The following COL8A1 variants were observed in gnomAD, a reference collection of about 807,000 sequenced individuals.
COL8A1 encodes collagen alpha-1(VIII) chain.
COL8A1 carries 21 observed loss-of-function variants against 42.7 expected under a neutral mutation model. The ratio of observed to expected loss-of-function variants is 0.49; its 90% CI spans 0.35 to 0.71. The LOEUF (loss-of-function observed/expected upper bound fraction) is 0.71, where lower values mean the gene tolerates loss of function less well. Among genes scored for constraint, COL8A1 ranks in the 30% least tolerant of loss-of-function variants. COL8A1 has a pLI of 0.01. For synonymous variants in COL8A1, 367 were observed against 369.1 expected (o/e 0.99, Z 0.06); for missense variants, 788 against 962.4 (o/e 0.82, Z 2.40).
intron 1 of COL8A1, among the ~76,000 whole-genome samples, chr3:99,673,779 G>T (rs1016566526): frequency 3.3e-5 from 5 of 151,926 alleles, no homozygotes; most frequent in African/African-American, 1.2e-4. Flanking sequence ...AGACTGCCTG[G>T]GTTTGAATTC....
chr3:99,685,816 C>T (rs1413631092), intron 1 of COL8A1, among the ~76,000 whole-genome samples: 2 of 152,146 alleles, frequency 1.3e-5, no homozygotes, highest in Non-Finnish European at 2.9e-5. Flanking sequence ...TGGCAGTTCT[C>T]TGTGATTAAA....
At chr3:99,676,800 T>C (rs571222189) in intron 1 of COL8A1, among the ~76,000 whole-genome samples, 6 of 152,120 alleles carry the variant, frequency 3.9e-5, no homozygotes, top group African/African-American at 1.4e-4. Context: ...AATTAATAAC[T>C]GCATTTATCT....
chr3:99,639,892 G>A (rs1236299421), intron 1 of COL8A1, among the ~76,000 whole-genome samples: 1 of 152,068 alleles, frequency 6.6e-6, no homozygotes, highest in African/African-American at 2.4e-5. Context: ...GAAGAGAAAT[G>A]TTTCACTTTT....
chr3:99,656,323 C>T (rs1235894876), intron 1 of COL8A1, among the ~76,000 whole-genome samples: 1 of 152,110 alleles, frequency 6.6e-6, no homozygotes, highest in Non-Finnish European at 1.5e-5. Flanking sequence ...CCTCATCTCC[C>T]TAACACACAG....
intron 1 of COL8A1, among the ~76,000 whole-genome samples, chr3:99,666,923 C>A (rs1938384611): frequency 6.6e-6 from 1 of 152,128 alleles, no homozygotes; most frequent in Non-Finnish European, 1.5e-5. Context: ...AATACAGGAC[C>A]AGGATAATTT....
intron 1 of COL8A1, among the ~76,000 whole-genome samples, chr3:99,718,751 C>A (rs1015105724): frequency 6.6e-6 from 1 of 151,786 alleles, no homozygotes; most frequent in Non-Finnish European, 1.5e-5. Context: ...TGTTATGAGC[C>A]AAAATTAGTT....
At chr3:99,657,029 A>G (rs1438890511) in intron 1 of COL8A1, among the ~76,000 whole-genome samples, 2 of 152,182 alleles carry the variant, frequency 1.3e-5, no homozygotes, top group Non-Finnish European at 2.9e-5. Flanking sequence ...GAACTTCCTC[A>G]TTCAAACCTT....
chr3:99,682,357 G>T (rs1164159397), intron 1 of COL8A1, among the ~76,000 whole-genome samples: 3 of 152,128 alleles, frequency 2.0e-5, no homozygotes, highest in Non-Finnish European at 4.4e-5. Flanking sequence ...GGTCAAGGCT[G>T]CAGTGAGCCA....
chr3:99,776,241 C>T (rs1445710038), intron 2 of COL8A1, among the ~76,000 whole-genome samples: 2 of 151,876 alleles, frequency 1.3e-5, no homozygotes, highest in Non-Finnish European at 2.9e-5. Flanking sequence ...TGGGAAAGGG[C>T]AAAGAATCAG....
At chr3:99,721,828 A>G (rs1418060440) in intron 1 of COL8A1, among the ~76,000 whole-genome samples, 1 of 151,922 alleles carries the variant, frequency 6.6e-6, no homozygotes, top group African/African-American at 2.4e-5. Flanking sequence ...AAACAAAAGG[A>G]CGGAAGAGTC....
intron 1 of COL8A1, among the ~76,000 whole-genome samples, chr3:99,733,004 T>A (rs1274717453): frequency 6.6e-6 from 1 of 152,000 alleles, no homozygotes; most frequent in Non-Finnish European, 1.5e-5. Flanking sequence ...AATGATCTCC[T>A]TTGTCTCAAT....
chr3:99,665,673 CTTTTTTTT>C (rs67004417), intron 1 of COL8A1, among the ~76,000 whole-genome samples: 4 of 70,222 alleles, frequency 5.7e-5, no homozygotes, highest in African/African-American at 2.3e-4. Context: ...TGAATTAATT[CTTTTTTTT>C]TTTTTTTTTT....
At chr3:99,758,726 C>A (rs1941308344) in intron 2 of COL8A1, among the ~76,000 whole-genome samples, 1 of 152,080 alleles carries the variant, frequency 6.6e-6, no homozygotes, top group Non-Finnish European at 1.5e-5. Context: ...GTCTGTAAAC[C>A]ACACATTGAG....
In COL8A1 at chr3:99,745,005, T is replaced by C. The variant is rs537557085; in HGVS notation, c.-20T>C. 2.0e-5 allele frequency: 3 copies of C among 152,030 alleles called. No individual in the cohort carries two copies. Among genetic ancestry groups the C allele is most frequent in the South Asian group, 4.2e-4 (2 of 4,818 alleles). 9.4% of individuals were successfully genotyped at this position (152,030 alleles called of 1,614,324 possible). ...ATTGGTCTTTGATTTGATTCAGCAG[T>C]CCTGTCAAGTATAAATGTAAGTGTG... On this transcript the variant is annotated 5_prime_UTR_variant, in exon 2 of 4. Transcript: ENST00000652472.
intron 2 of COL8A1, among the ~76,000 whole-genome samples, chr3:99,754,315 C>A (rs991751265): frequency 1.1e-4 from 17 of 152,166 alleles, no homozygotes; most frequent in African/African-American, 4.1e-4. Context: ...ATGTAATTCC[C>A]AAAAATGTGG....
chr3:99,662,934 G>A (rs964455363), intron 1 of COL8A1, among the ~76,000 whole-genome samples: 1 of 152,056 alleles, frequency 6.6e-6, no homozygotes, highest in Non-Finnish European at 1.5e-5. Context: ...AAAAACAATG[G>A]TATCTCTGAT....
intron 1 of COL8A1, among the ~76,000 whole-genome samples, chr3:99,664,092 T>C (rs1938292128): frequency 6.6e-6 from 1 of 152,220 alleles, no homozygotes; most frequent in Non-Finnish European, 1.5e-5. Flanking sequence ...AAGTGGAATT[T>C]CTAAGTACAT....
intron 1 of COL8A1, among the ~76,000 whole-genome samples, chr3:99,659,488 G>A (rs1414645381): frequency 1.3e-5 from 2 of 152,126 alleles, no homozygotes; most frequent in African/African-American, 4.8e-5. Flanking sequence ...ATCATTCTAA[G>A]GGAATACTCC....
intron 1 of COL8A1, among the ~76,000 whole-genome samples, chr3:99,740,773 T>C (rs1940877824): frequency 6.6e-6 from 1 of 152,118 alleles, no homozygotes; most frequent in African/African-American, 2.4e-5. Context: ...CATACCAAGA[T>C]TTTTCTGTTC....
Sources: allele counts gnomAD v4.1 joint callset (sites outside exome capture counted in the v4.1 genomes callset), GRCh38; gene constraint gnomAD v4.1.1; transcripts MANE v1.5; gene names NCBI Gene and HGNC (gene_info 2026-07-23, HGNC 2026-07-21).